The following COL19A1 variants were observed in gnomAD, a reference collection of about 807,000 sequenced individuals.
The protein encoded by COL19A1 is collagen alpha-1(XIX) chain.
In COL19A1, 159 loss-of-function variants were observed where a neutral mutation model predicts 190.2. The observed-to-expected ratio is 0.84, with a 90% CI of 0.73 to 0.95. The LOEUF (loss-of-function observed/expected upper bound fraction) is 0.95. Among genes scored for constraint, COL19A1 ranks in the 40% least tolerant of loss-of-function variants. COL19A1 has a pLI of 0.00. For synonymous variants in COL19A1, 509 were observed against 458.9 expected (o/e 1.11, Z -1.39); for missense variants, 1,418 against 1,431.9 (o/e 0.99, Z 0.16).
At chr6:70,063,788 AG>A (rs1180757204) in intron 14 of COL19A1, among the ~76,000 whole-genome samples, 1 of 152,232 alleles carries the variant, frequency 6.6e-6, no homozygotes, top group Non-Finnish European at 1.5e-5. Context: ...AAAATGATAA[AG>A]GGGATATCAC....
chr6:69,999,741 A>G (rs1238837378), intron 11 of COL19A1, among the ~76,000 whole-genome samples: 1 of 152,190 alleles, frequency 6.6e-6, no homozygotes, highest in African/African-American at 2.4e-5. Flanking sequence ...CTCTGTTAAG[A>G]TGGTAAGCTA....
At chr6:69,879,323 A>C (rs892701595) in intron 1 of COL19A1, among the ~76,000 whole-genome samples, 2 of 152,186 alleles carry the variant, frequency 1.3e-5, no homozygotes, top group Admixed American at 6.5e-5. Context: ...ATCAATAACT[A>C]ACTAGAAACT....
chr6:69,963,325 CAA>C lies in COL19A1; in HGVS notation c.1026+457_1026+458del, dbSNP rs1229317235. 2.6e-5 allele frequency among the ~76,000 whole-genome samples: 4 copies of C among 152,174 alleles called. No individual in the cohort carries two copies. In the East Asian group the frequency reaches 5.8e-4, roughly 22 times the overall value. Reference sequence around the variant, plus strand: ...TGGCATACTAAAACTCGAATAATTTCAAAGAGTTTAATAAAGGCATGGTTTAA... The same window carrying C: ...TGGCATACTAAAACTCGAATAATTTCAGAGTTTAATAAAGGCATGGTTTAA... On this transcript the variant is annotated intron_variant, in intron 11 of 50. Transcript: ENST00000620364.
At chr6:70,139,517 T>C (rs1436609369) in intron 19 of COL19A1, among the ~76,000 whole-genome samples, 2 of 152,080 alleles carry the variant, frequency 1.3e-5, no homozygotes, top group Non-Finnish European at 2.9e-5. Flanking sequence ...GCCACCTTCC[T>C]CTACCCCTAC....
At chr6:70,095,183 T>C (rs1419604582) in intron 15 of COL19A1, among the ~76,000 whole-genome samples, 2 of 152,222 alleles carry the variant, frequency 1.3e-5, no homozygotes, top group Non-Finnish European at 2.9e-5. Context: ...AACATTTATA[T>C]TGTTGCATGT....
At chr6:70,060,484 G>C (rs1780763015) in intron 14 of COL19A1, among the ~76,000 whole-genome samples, 1 of 147,810 alleles carries the variant, frequency 6.8e-6, no homozygotes, top group Admixed American at 6.7e-5. Flanking sequence ...AGCTTCATCT[G>C]TATCTACAGC....
At chr6:69,925,870 T>C (rs1562004187) in intron 4 of COL19A1, among the ~76,000 whole-genome samples, 1 of 152,212 alleles carries the variant, frequency 6.6e-6, no homozygotes, top group South Asian at 2.1e-4. Flanking sequence ...AGTTCACTCA[T>C]GATTTGGCTC....
intron 18 of COL19A1, among the ~76,000 whole-genome samples, chr6:70,135,441 A>G (rs920517923): frequency 1.3e-5 from 2 of 152,132 alleles, no homozygotes; most frequent in African/African-American, 4.8e-5. Context: ...GCTGCCAGCT[A>G]CCAGTCAACT....
At chr6:69,936,186 C>T (rs574013178) in intron 7 of COL19A1, among the ~76,000 whole-genome samples, 2 of 152,206 alleles carry the variant, frequency 1.3e-5, no homozygotes, top group East Asian at 3.9e-4. Flanking sequence ...TTCACTTTGT[C>T]CAGCATGCTC....
At chr6:70,138,461 AAGAATCAGTG>A (rs1401362212) in intron 19 of COL19A1, among the ~76,000 whole-genome samples, 2 of 152,178 alleles carry the variant, frequency 1.3e-5, no homozygotes, top group Admixed American at 1.3e-4. Context: ...AGCAGTTTTC[AAGAATCAGTG>A]AGAATCAGGC....
intron 16 of COL19A1, among the ~76,000 whole-genome samples, chr6:70,114,399 A>G (rs530877455): frequency 6.6e-6 from 1 of 152,204 alleles, no homozygotes; most frequent in African/African-American, 2.4e-5. Flanking sequence ...GCTCTTGTCT[A>G]CTATTTATAT....
At position 70,165,952 on chromosome 6, in the gene COL19A1, A is replaced by G; in HGVS notation, c.2412A>G (p.Gly804=). ...TATATCCCTTGCAGGGCAGCGACGG[A>G]CCCCCTGGGAAACCCGGACCACCTG... ...TGAKGEKGSD[G]PPGKPGPPGP... is the part of the protein sequence containing the mutation. The change falls in exon 37 of 51, where the codon GGA becomes GGG. Residue 804 remains glycine, a synonymous_variant. Transcript: ENST00000620364. 6.2e-7 allele frequency: 1 copy of G among 1,613,870 alleles called. No individual in the cohort carries two copies. Among genetic ancestry groups the G allele is most frequent in the Non-Finnish European group, 8.5e-7 (1 of 1,179,884 alleles).
intron 12 of COL19A1, among the ~76,000 whole-genome samples, chr6:70,031,271 A>G (rs1416616111): frequency 6.6e-6 from 1 of 151,792 alleles, no homozygotes; most frequent in East Asian, 1.9e-4. Context: ...CATGAGGTAC[A>G]TGAGAATTTT....
intron 11 of COL19A1, among the ~76,000 whole-genome samples, chr6:69,982,051 A>T (rs978179335): frequency 6.6e-6 from 1 of 152,206 alleles, no homozygotes; most frequent in East Asian, 1.9e-4. Context: ...TGTTGCCATC[A>T]TAGCAATGAC....
In COL19A1 at chr6:69,929,527, C is replaced by T. The variant is rs112596596; in HGVS notation, c.493C>T (p.Pro165Ser). 1 of 1,614,060 alleles carries T rather than the reference C, an allele frequency of 6.2e-7. No homozygotes were observed. Among genetic ancestry groups the T allele is most frequent in the Non-Finnish European group, 8.5e-7 (1 of 1,179,988 alleles). The change falls in exon 6 of 51, where the codon CCT becomes TCT. Residue 165 changes from proline to serine, a missense_variant. Pro to Ser is a moderately conservative substitution (Grantham distance 74). Transcript: ENST00000620364. The part of the protein sequence containing the change: ...NYIFRNRELR[P>S]LFDRQWHKLG... ...CATTTTTAGAAATCGAGAACTCCGT[C>T]CTTTGTTTGATCGTCAGTGGCACAA...
intron 11 of COL19A1, among the ~76,000 whole-genome samples, chr6:69,984,131 A>G (rs1485083978): frequency 6.6e-6 from 1 of 151,968 alleles, no homozygotes; most frequent in African/African-American, 2.4e-5. Flanking sequence ...ATTTATTTTG[A>G]TTGCTTTGTT....
intron 15 of COL19A1, among the ~76,000 whole-genome samples, chr6:70,076,072 C>T (rs970963975): frequency 1.3e-5 from 2 of 152,132 alleles, no homozygotes; most frequent in African/African-American, 4.8e-5. Flanking sequence ...CTCCTTCAAA[C>T]TGGAGAGATT....
At chr6:69,875,017 A>AG (rs1768054556) in intron 1 of COL19A1, among the ~76,000 whole-genome samples, 1 of 152,230 alleles carries the variant, frequency 6.6e-6, no homozygotes, top group African/African-American at 2.4e-5. Context: ...TGGACAAGAC[A>AG]GATATAGTCC....
intron 14 of COL19A1, among the ~76,000 whole-genome samples, chr6:70,047,128 G>A (rs1199455281): frequency 1.3e-5 from 2 of 151,934 alleles, no homozygotes; most frequent in Non-Finnish European, 2.9e-5. Flanking sequence ...ACCTGTTAAA[G>A]AATAAAAATT....
Sources: gnomAD v4.1 joint callset for allele counts (sites outside exome capture counted in the v4.1 genomes callset) on GRCh38, gnomAD v4.1.1 for gene constraint, MANE v1.5 for transcripts, NCBI Gene and HGNC (gene_info 2026-07-23, HGNC 2026-07-21) for gene names.